The following PLXDC2 variants were observed in gnomAD, a reference collection of about 807,000 sequenced individuals.
The protein encoded by PLXDC2 is plexin domain-containing protein 2.
Under a neutral mutation model 68.9 loss-of-function variants are expected in PLXDC2, and 40 were observed. That is an observed-to-expected ratio of 0.58 (90% CI 0.45 to 0.76). The LOEUF is 0.76. Among genes scored for constraint, PLXDC2 ranks in the 30% least tolerant of loss-of-function variants. The pLI, the probability that PLXDC2 is intolerant of heterozygous loss-of-function variation, is 0.00. For synonymous variants in PLXDC2, 243 were observed against 234.2 expected, an observed-to-expected ratio of 1.04 and a Z score of -0.34; for missense variants, 644 against 661.9, an observed-to-expected ratio of 0.97 and a Z score of 0.30.
intron 1 of PLXDC2, among the ~76,000 whole-genome samples, chr10:19,823,190 T>C (rs1836505400): frequency 1.3e-5 from 2 of 152,008 alleles, no homozygotes; most frequent in African/African-American, 4.8e-5. Context: ...TGCTGGGATG[T>C]TTACTTATGC....
In PLXDC2 at chr10:20,287,759, G is replaced by C. The variant is rs1218453935; in HGVS notation, c.*7940G>C. 1 of 152,002 alleles carries C rather than the reference G, an allele frequency of 6.6e-6. No homozygotes were observed. The highest frequency in any genetic ancestry group is 2.4e-5 in the African/African-American group (1 of 41,352). The allele number at this position is 152,002 out of a possible 1,614,324, so 9.4% of individuals were successfully genotyped here. On this transcript the variant is annotated 3_prime_UTR_variant, in exon 14 of 14. Coordinates refer to ENST00000377252, the MANE Select transcript of PLXDC2 (RefSeq NM_032812.9). Reference sequence around the variant, plus strand: ...GAGGGGGAAGTCTTTTCATTGATTGGTCAAAACAAATCTCTCATTTGCCTG... The same window carrying C: ...GAGGGGGAAGTCTTTTCATTGATTGCTCAAAACAAATCTCTCATTTGCCTG...
At chr10:20,185,963 G>T (rs999056994) in intron 9 of PLXDC2, among the ~76,000 whole-genome samples, 1 of 151,860 alleles carries the variant, frequency 6.6e-6, no homozygotes, top group African/African-American at 2.4e-5. Flanking sequence ...GTTGATCCAG[G>T]TTCCAATATG....
At chr10:20,246,638 T>C (rs2778976) in intron 13 of PLXDC2, among the ~76,000 whole-genome samples, 133,561 of 152,266 alleles carry the variant, frequency 0.88, 59,085 homozygotes, top group Middle Eastern at 0.95. Context: ...GTGTGAGCCA[T>C]CGTGCCTGGC....
At chr10:20,023,848 ATATGATCACAGAGACAGGG>A (rs1208471510) in intron 2 of PLXDC2, among the ~76,000 whole-genome samples, 1 of 152,218 alleles carries the variant, frequency 6.6e-6, no homozygotes, top group Non-Finnish European at 1.5e-5. Context: ...TTAAGATGGC[ATATGATCACAGAGACAGGG>A]TAGAAAAGAG....
chr10:19,928,705 C>A (rs900099862), intron 1 of PLXDC2, among the ~76,000 whole-genome samples: 1 of 145,594 alleles, frequency 6.9e-6, no homozygotes, highest in Non-Finnish European at 1.5e-5. Context: ...GAGATCTTGT[C>A]TGTGCTAGAT....
intron 2 of PLXDC2, among the ~76,000 whole-genome samples, chr10:20,017,100 T>C (rs925762164): frequency 2.0e-5 from 3 of 151,998 alleles, no homozygotes; most frequent in Admixed American, 1.3e-4. Flanking sequence ...CAGAGAGAGA[T>C]AAATAGAGAG....
At chr10:20,174,151 G>C in intron 7 of PLXDC2, among the ~76,000 whole-genome samples, 1 of 21,758 alleles carries the variant, frequency 4.6e-5, no homozygotes, top group African/African-American at 1.3e-4. Context: ...AAAGACTCAA[G>C]AACCCCCCCT....
At chr10:19,880,148 ATGATGGTATC>A (rs1564617458) in intron 1 of PLXDC2, among the ~76,000 whole-genome samples, 1 of 152,210 alleles carries the variant, frequency 6.6e-6, no homozygotes, top group Non-Finnish European at 1.5e-5. Context: ...TTTTTGGTAT[ATGATGGTATC>A]TGTTACATGG....
At chr10:19,929,640 A>G (rs370424755) in intron 1 of PLXDC2, among the ~76,000 whole-genome samples, 1 of 152,190 alleles carries the variant, frequency 6.6e-6, no homozygotes, top group East Asian at 1.9e-4. Flanking sequence ...TCTCTCTTGT[A>G]CAGGATCAGA....
chr10:20,214,243 A>G (rs750507886), intron 10 of PLXDC2, among the ~76,000 whole-genome samples: 1 of 152,114 alleles, frequency 6.6e-6, no homozygotes, highest in South Asian at 2.1e-4. Context: ...TGATCTAAAT[A>G]GTGTGGTCAT....
At chr10:20,163,127 T>C (rs1564338399) in intron 6 of PLXDC2, among the ~76,000 whole-genome samples, 1 of 152,172 alleles carries the variant, frequency 6.6e-6, no homozygotes, top group Non-Finnish European at 1.5e-5. Flanking sequence ...TTGTTTTGTG[T>C]GTTTCTGTTA....
chr10:19,956,053 T>C (rs1834064248), intron 1 of PLXDC2, among the ~76,000 whole-genome samples: 1 of 152,162 alleles, frequency 6.6e-6, no homozygotes, highest in Non-Finnish European at 1.5e-5. Flanking sequence ...CACTCCAGCT[T>C]GGGTGACAAG....
At chr10:20,240,369 T>C (rs185754688) in intron 12 of PLXDC2, among the ~76,000 whole-genome samples, 224 of 152,342 alleles carry the variant, frequency 1.5e-3, no homozygotes, top group Non-Finnish European at 1.6e-3. Context: ...ATGTCTTTGC[T>C]ATTGTAAACA....
chr10:20,134,734 C>T (rs999245111), intron 4 of PLXDC2, among the ~76,000 whole-genome samples: 1 of 152,146 alleles, frequency 6.6e-6, no homozygotes, highest in Non-Finnish European at 1.5e-5. Flanking sequence ...ATCATTCATC[C>T]TGGAGCCTGG....
At chr10:20,267,142 A>G (rs986213575) in intron 13 of PLXDC2, among the ~76,000 whole-genome samples, 22 of 152,206 alleles carry the variant, frequency 1.4e-4, no homozygotes, top group African/African-American at 5.3e-4. Flanking sequence ...ATCTTATTAG[A>G]AATGTTTTAG....
At chr10:19,817,313 T>C in intron 1 of PLXDC2, 122 bp downstream of exon 1, 1 of 813,114 alleles carries the variant, frequency 1.2e-6, no homozygotes, top group South Asian at 1.7e-5. Flanking sequence ...CTTATTGCAG[T>C]TGCTTTTCGG....
At chr10:20,138,537 A>G (rs1410860322) in intron 4 of PLXDC2, among the ~76,000 whole-genome samples, 1 of 152,240 alleles carries the variant, frequency 6.6e-6, no homozygotes, top group Non-Finnish European at 1.5e-5. Flanking sequence ...GCCCAGCCTT[A>G]TTAAATACTT....
chr10:20,279,072 G>C (rs776325940), intron 13 of PLXDC2, among the ~76,000 whole-genome samples: 6 of 152,068 alleles, frequency 3.9e-5, no homozygotes, highest in African/African-American at 1.4e-4. Flanking sequence ...CTCACGATTG[G>C]CCACACCCTC....
intron 13 of PLXDC2, among the ~76,000 whole-genome samples, chr10:20,256,665 C>G (rs1243794504): frequency 6.6e-6 from 1 of 151,420 alleles, no homozygotes; most frequent in African/African-American, 2.4e-5. Context: ...TATGTTATTT[C>G]CTTTTTTTTT....
Sources: allele counts gnomAD v4.1 joint callset (sites outside exome capture counted in the v4.1 genomes callset), GRCh38; gene constraint gnomAD v4.1.1; transcripts MANE v1.5; gene names NCBI Gene and HGNC (gene_info 2026-07-23, HGNC 2026-07-21).